UBE4B: variants seen among roughly 807,000 people sequenced by gnomAD.
UBE4B encodes ubiquitin conjugation factor E4 B.
In UBE4B, 27 loss-of-function variants were observed where a neutral mutation model predicts 148.1. The ratio of observed to expected loss-of-function variants is 0.18; its 90% CI spans 0.13 to 0.25. The LOEUF (loss-of-function observed/expected upper bound fraction) is 0.25. Ranked by LOEUF, UBE4B falls within the 10% of genes least tolerant of loss-of-function variation. The pLI, the probability that UBE4B is intolerant of heterozygous loss-of-function variation, is 1.00. For synonymous variants in UBE4B, 596 were observed against 619.3 expected (o/e 0.96, Z 0.56); for missense variants, 1,170 against 1,662.4 (o/e 0.70, Z 5.15).
At chr1:10,158,626 A>T in intron 22 of UBE4B, 144 bp downstream of exon 22, 1 of 1,084,618 alleles carries the variant, frequency 9.2e-7, no homozygotes, top group South Asian at 1.7e-5. Context: ...ATGCCACTAA[A>T]TGTGGGCAGG....
At chr1:10,074,433 C>T (rs1476281179) in intron 2 of UBE4B, among the ~76,000 whole-genome samples, 1 of 152,010 alleles carries the variant, frequency 6.6e-6, no homozygotes, top group Non-Finnish European at 1.5e-5. Context: ...ATTCCCCCTG[C>T]CAGCTTCTCC....
intron 7 of UBE4B, among the ~76,000 whole-genome samples, chr1:10,116,597 G>C (rs564662750): frequency 1.3e-5 from 2 of 152,244 alleles, no homozygotes; most frequent in African/African-American, 4.8e-5. Context: ...TTAAACACCA[G>C]ATTTGTTATG....
In UBE4B at chr1:10,107,409, C is replaced by T. The variant is rs968543431; in HGVS notation, c.1196+826C>T. 20 of 1,264,056 alleles carry T rather than the reference C, an allele frequency of 1.6e-5. No homozygotes were observed. In the Admixed American group the frequency reaches 2.5e-4, roughly 16 times the overall value. 78.3% of individuals were successfully genotyped at this position (1,264,056 alleles called of 1,614,324 possible). On this transcript the variant is annotated intron_variant, in intron 7 of 27. Coordinates refer to ENST00000343090, the MANE Select transcript of UBE4B (RefSeq NM_001105562.3). The stretch of plus-strand genomic sequence containing the variant: ...GAATGGAGTCTTACCCCTGCATGTG[C>T]GTAGATGCTTAGGAACTAACTTCTA...
chr1:10,179,143 C>T (rs1049480130), intron 26 of UBE4B: 8 of 492,610 alleles, frequency 1.6e-5, no homozygotes, highest in Middle Eastern at 5.4e-4. Flanking sequence ...GTCCTCGCCA[C>T]GGAGCCTGTG....
Position 10,149,195 on chromosome 1 carries a change from C to T in UBE4B, c.2603C>T (p.Pro868Leu), listed in dbSNP as rs1645931121. 6.2e-7 allele frequency: 1 copy of T among 1,603,760 alleles called. No homozygotes were observed. Among genetic ancestry groups the T allele is most frequent in the African/African-American group, 1.3e-5 (1 of 74,166 alleles). ...LDPAYPDITLPLNSDVPKVFA... is the reference protein window; with the variant it reads ...LDPAYPDITLLLNSDVPKVFA... Reference sequence around the variant, plus strand: ...TTTCTCTTTGACAGTATAACACTGCCTTTAAATTCAGATGTCCCCAAGGTA... The same window carrying T: ...TTTCTCTTTGACAGTATAACACTGCTTTTAAATTCAGATGTCCCCAAGGTA... The change falls in exon 20 of 28, where the codon CCT becomes CTT. Residue 868 changes from proline (P) to leucine (L), a missense_variant. Transcript: ENST00000343090.
In UBE4B at chr1:10,106,154, C is replaced by T; in HGVS notation, c.810-43C>T. 6.6e-7 allele frequency: 1 copy of T among 1,520,160 alleles called. No individual in the cohort carries two copies. Among genetic ancestry groups the T allele is most frequent in the Admixed American group, 2.2e-5 (1 of 44,622 alleles). The allele number at this position is 1,520,160 out of a possible 1,614,324, so 94.2% of individuals were successfully genotyped here. On this transcript the variant is annotated intron_variant, in intron 6 of 27. Transcript: ENST00000343090. The surrounding 1 kb of genome is among the most constrained non-coding windows in gnomAD (Gnocchi z 4.2). ...TTTTAGTTAGTTATCTCAAGTTTTT[C>T]TTTGATTTTTCTCTTCTTTCCTCCC...
chr1:10,125,456 T>C (rs768929935), intron 10 of UBE4B, among the ~76,000 whole-genome samples: 27 of 152,250 alleles, frequency 1.8e-4, no homozygotes, highest in Non-Finnish European at 3.5e-4. Context: ...TCCAGAGCTG[T>C]ATTGATATCT....
chr1:10,081,070 T>C (rs928371879), intron 2 of UBE4B, among the ~76,000 whole-genome samples: 1 of 152,182 alleles, frequency 6.6e-6, no homozygotes, highest in Non-Finnish European at 1.5e-5. Context: ...ACAATATTAT[T>C]ATTATTATTG....
At chr1:10,142,335 T>C (rs1208279163) in intron 17 of UBE4B, among the ~76,000 whole-genome samples, 1 of 152,168 alleles carries the variant, frequency 6.6e-6, no homozygotes, top group Non-Finnish European at 1.5e-5. Flanking sequence ...TTACCACAAC[T>C]TTAGTCACTT....
At position 10,079,307 on chromosome 1, in the gene UBE4B, C is replaced by T. The variant is rs6693010; in HGVS notation, c.211+7093C>T. On this transcript the variant is annotated intron_variant, in intron 2 of 27. Coordinates refer to ENST00000343090, the MANE Select transcript of UBE4B (RefSeq NM_001105562.3). ...CTGAGTAGCTGGGATTACAGGCATG[C>T]GCCACCACGCCCGGCTAATTTTTTG... Among the ~76,000 whole-genome samples, 817 of 152,162 alleles carry T rather than the reference C, an allele frequency of 5.4e-3. 10 individuals are homozygous for T. The highest frequency in any genetic ancestry group is 0.018 in the African/African-American group (758 of 41,520).
chr1:10,129,389 T>A lies in UBE4B; in HGVS notation c.1639-3T>A. 6.2e-7 allele frequency: 1 copy of A among 1,609,844 alleles called. No individual in the cohort carries two copies. The highest frequency in any genetic ancestry group is 8.5e-7 in the Non-Finnish European group (1 of 1,176,464). On this transcript the variant is annotated splice_polypyrimidine_tract_variant and splice_region_variant and intron_variant, in intron 11 of 27. Coordinates refer to ENST00000343090, the MANE Select transcript of UBE4B (RefSeq NM_001105562.3). ...ATTTAAATGACTCTGATCTTATTTC[T>A]AGGCACTAGGTGAGCTCTGTGAAAC...
In UBE4B at chr1:10,035,724, T is replaced by A. The variant is rs138345401; in HGVS notation, c.24+2030T>A. Among the ~76,000 whole-genome samples, 962 of 146,872 alleles carry A rather than the reference T, an allele frequency of 6.5e-3. 11 individuals carry two copies. Among genetic ancestry groups the A allele is most frequent in the African/African-American group, 0.023 (912 of 40,006 alleles). ...ACCGGCCAGAGATAGTTTTTTTATT[T>A]TTTTTTATTTTTTATTTATTTTATT... is the stretch of plus-strand genomic sequence containing the variant. On this transcript the variant is annotated intron_variant, in intron 1 of 27. Transcript: ENST00000343090.
chr1:10,132,434 T>C lies in UBE4B; in HGVS notation c.1977T>C (p.Ser659=), dbSNP rs1371843855. Reference sequence around the variant, plus strand: ...GCGAAACCCGTGAGGCTGCTCTCAGTTACATGGCGGCTGTCGTCAATGCCA... The same window carrying C: ...GCGAAACCCGTGAGGCTGCTCTCAGCTACATGGCGGCTGTCGTCAATGCCA... ...LNGETREAAL[S]YMAAVVNANM... The change falls in exon 15 of 28, where the codon AGT becomes AGC. Residue 659 remains serine, a synonymous_variant. Coordinates refer to ENST00000343090, the MANE Select transcript of UBE4B (RefSeq NM_001105562.3). The C allele has an allele frequency of 4.3e-6, 7 of 1,614,236 alleles. No individual in the cohort carries two copies. The South Asian group carries it at 7.7e-5, about 18-fold the overall frequency.
intron 1 of UBE4B, among the ~76,000 whole-genome samples, chr1:10,051,859 G>T (rs1386710107): frequency 6.6e-6 from 1 of 152,196 alleles, no homozygotes; most frequent in Non-Finnish European, 1.5e-5. Flanking sequence ...TGAATTGGAT[G>T]TCATTGTATT....
Position 10,101,175 on chromosome 1 carries a change from A to T in UBE4B, c.415A>T (p.Lys139Ter). ...MEVDENDRRE[K>*]RSLSDKEPSS... ...GGTTGATGAAAATGATCGAAGAGAA[A>T]AGCGGAGCCTCAGTGATAAGGTTGG... The change falls in exon 4 of 28, where the codon AAG becomes TAG. Residue 139 changes from lysine to a stop codon, truncating the protein, a stop_gained. Transcript: ENST00000343090. LOFTEE classifies it high-confidence loss of function. 6.2e-7 allele frequency: 1 copy of T among 1,614,168 alleles called. No individual in the cohort carries two copies. The highest frequency in any genetic ancestry group is 8.5e-7 in the Non-Finnish European group (1 of 1,180,014).
chr1:10,044,421 A>T (rs538151481), intron 1 of UBE4B, among the ~76,000 whole-genome samples: 11 of 152,020 alleles, frequency 7.2e-5, no homozygotes, highest in Non-Finnish European at 1.6e-4. Context: ...CCTTTTTGGC[A>T]CCAGGGACTG....
Position 10,158,112 on chromosome 1 carries a change from A to T in UBE4B, c.2927-244A>T, listed in dbSNP as rs559057648. On this transcript the variant is annotated intron_variant, in intron 21 of 27. Coordinates refer to ENST00000343090, the MANE Select transcript of UBE4B (RefSeq NM_001105562.3). The stretch of plus-strand genomic sequence containing the variant: ...TTGGTAAGTTGATGTTGTCCTAATG[A>T]TGGGAGTTTTCCTAGCCCCGTTCCT... 8.5e-5 allele frequency among the ~76,000 whole-genome samples: 13 copies of T among 152,282 alleles called. 1 individual carries two copies. In the East Asian group the frequency reaches 2.3e-3, roughly 27 times the overall value.
rs764089127 is a variant in UBE4B at position 10,161,999 on chromosome 1, C to CTTTTTTTTTTTTTTTTTTTTTTTT, written c.3198+729_3198+730insTTTTTTTTTTTTTTTTTTTTTTTT. ...GGGGACTGCTTTTTCTTCACTTTTT[C>CTTTTTTTTTTTTTTTTTTTTTTTT]TTTTTTTTTTTTTTTTGAGACGGAG... On this transcript the variant is annotated intron_variant, in intron 23 of 27. Transcript: ENST00000343090. This position sits in a 1 kb window ranked among gnomAD's most constrained non-coding sequence, Gnocchi z 4.1. Among the ~76,000 whole-genome samples the CTTTTTTTTTTTTTTTTTTTTTTTT allele has an allele frequency of 3.6e-5, 5 of 137,262 alleles. No homozygotes were observed. The highest frequency in any genetic ancestry group is 1.3e-4 in the African/African-American group (5 of 37,436). The allele number at this position is 137,262 out of a possible 152,430, so 90.0% of individuals were successfully genotyped here.
chr1:10,069,260 A>G (rs1644443686), intron 1 of UBE4B, among the ~76,000 whole-genome samples: 1 of 152,168 alleles, frequency 6.6e-6, no homozygotes, highest in South Asian at 2.1e-4. Context: ...CAACTAATAA[A>G]TTAGTCAATT....
Sources: allele counts gnomAD v4.1 joint callset (sites outside exome capture counted in the v4.1 genomes callset), GRCh38; gene constraint gnomAD v4.1.1; non-coding constraint Gnocchi (gnomAD v3.1); transcripts MANE v1.5; gene names NCBI Gene and HGNC (gene_info 2026-07-23, HGNC 2026-07-21).